TPTE: variants seen among roughly 807,000 people sequenced by gnomAD.
TPTE encodes putative tyrosine-protein phosphatase TPTE.
Under a neutral mutation model 84.1 loss-of-function variants are expected in TPTE, and 59 were observed. That is an observed-to-expected ratio of 0.70 (90% CI 0.57 to 0.87). The LOEUF is 0.87. Ranked by LOEUF, TPTE falls within the 40% of genes least tolerant of loss-of-function variation. The probability of loss-of-function intolerance (pLI) is 0.00; values close to 1 mark genes in which losing one functional copy is unlikely to be tolerated. For missense variants in TPTE, 382 were observed against 659.6 expected (o/e 0.58, Z 4.61); for synonymous variants, 130 against 223.5 (o/e 0.58, Z 3.73).
chr21:10,598,405 G>A (rs1314090073), intron 21 of TPTE, among the ~76,000 whole-genome samples: 2 of 152,312 alleles, frequency 1.3e-5, no homozygotes, highest in African/African-American at 4.8e-5. Flanking sequence ...ACATTATCTG[G>A]TCATTTTTAA....
At chr21:10,542,561 A>G (rs2074389568) in intron 6 of TPTE, 113 bp downstream of exon 6, 1 of 1,359,862 alleles carries the variant, frequency 7.4e-7, no homozygotes, top group Non-Finnish European at 1.0e-6. Flanking sequence ...CCATCCATCC[A>G]TTCATCCATC....
intron 22 of TPTE, chr21:10,602,754 C>T: frequency 1.9e-6 from 1 of 518,100 alleles, no homozygotes; most frequent in South Asian, 1.4e-5. Flanking sequence ...AGGAGGGCAG[C>T]ACACTTCGCA....
chr21:10,590,881 A>T lies in TPTE; in HGVS notation c.1089+358A>T, dbSNP rs1395304109. 2.8e-4 allele frequency among the ~76,000 whole-genome samples: 42 copies of T among 152,378 alleles called. No individual in the cohort carries two copies. In the South Asian group the frequency reaches 5.6e-3, roughly 20 times the overall value. ...TATCAACATGTTAAATAAAGACAAG[A>T]CCTGATGGGGCAGGATTAAGGTGAG... is the stretch of plus-strand genomic sequence containing the variant. On this transcript the variant is annotated intron_variant, in intron 18 of 23. Coordinates refer to ENST00000618007, the MANE Select transcript of TPTE (RefSeq NM_199261.4).
Position 10,587,870 on chromosome 21 carries a change from G to A in TPTE, c.1028-2592G>A, listed in dbSNP as rs1211938588. ...CAGCCTATTTTTTGTTTGTTTTTGA[G>A]ATGGAGTCTTGCTCTGTCACCCAGG... is the stretch of plus-strand genomic sequence containing the variant. On this transcript the variant is annotated intron_variant, in intron 17 of 23. Coordinates refer to ENST00000618007, the MANE Select transcript of TPTE (RefSeq NM_199261.4). Among the ~76,000 whole-genome samples, 20 of 152,370 alleles carry A rather than the reference G, an allele frequency of 1.3e-4. No individual in the cohort carries two copies. The South Asian group carries it at 4.0e-3, about 30-fold the overall frequency.
chr21:10,593,246 G>A (rs2075519828), intron 19 of TPTE, among the ~76,000 whole-genome samples: 1 of 152,310 alleles, frequency 6.6e-6, no homozygotes, highest in Admixed American at 6.5e-5. Context: ...ATTTTAGTAT[G>A]ACATTTAAGT....
intron 19 of TPTE, among the ~76,000 whole-genome samples, chr21:10,594,585 G>A (rs1159281567): frequency 5.9e-5 from 9 of 152,274 alleles, no homozygotes; most frequent in African/African-American, 2.2e-4. Context: ...ACAGCCCTTA[G>A]GGAAAGGTGG....
chr21:10,567,584 G>T (rs2074949923), intron 10 of TPTE, 86 bp from the exon 11 acceptor site: 2 of 1,568,516 alleles, frequency 1.3e-6, no homozygotes, highest in South Asian at 1.2e-5. Context: ...TCTTAATGGG[G>T]ATGAGTCAAT....
intron 9 of TPTE, 36 bp downstream of exon 9, chr21:10,559,580 T>C (rs776542758): frequency 1.2e-6 from 2 of 1,611,902 alleles, no homozygotes; most frequent in African/African-American, 2.7e-5. Context: ...GTATTAAATA[T>C]ATCTGAGACT....
intron 20 of TPTE, among the ~76,000 whole-genome samples, chr21:10,596,643 G>A (rs59831171): frequency 0.041 from 5,999 of 145,988 alleles, no homozygotes; most frequent in South Asian, 0.084. Context: ...GTGTGGAAGG[G>A]ATGGGGCCTC....
chr21:10,589,696 G>C (rs1467521556), intron 17 of TPTE, among the ~76,000 whole-genome samples: 1 of 152,312 alleles, frequency 6.6e-6, no homozygotes, highest in Non-Finnish European at 1.5e-5. Flanking sequence ...GGAAAGGTGA[G>C]ACAGAGGGAT....
chr21:10,529,910 G>T (rs957563313), intron 3 of TPTE, among the ~76,000 whole-genome samples: 1 of 152,196 alleles, frequency 6.6e-6, no homozygotes, highest in Non-Finnish European at 1.5e-5. Flanking sequence ...ATTACAAAAT[G>T]GTGATTTTTT....
chr21:10,527,818 C>T (rs1413584551), intron 3 of TPTE, among the ~76,000 whole-genome samples: 61 of 152,382 alleles, frequency 4.0e-4, no homozygotes, highest in Admixed American at 3.8e-3. Flanking sequence ...GATGGAGCCC[C>T]TGCCTCAGGT....
chr21:10,540,824 G>T (rs547230100), intron 4 of TPTE: 25 of 561,070 alleles, frequency 4.5e-5, no homozygotes, highest in South Asian at 3.5e-4. Context: ...AACTAAATTT[G>T]AACTAGAATT....
chr21:10,540,216 T>C (rs1354727321), intron 4 of TPTE, among the ~76,000 whole-genome samples: 1 of 152,308 alleles, frequency 6.6e-6, no homozygotes, highest in Non-Finnish European at 1.5e-5. Flanking sequence ...GGAATACAGT[T>C]ATACATGTGT....
intron 21 of TPTE, among the ~76,000 whole-genome samples, chr21:10,600,001 T>C (rs553703532): frequency 6.6e-6 from 1 of 152,300 alleles, no homozygotes; most frequent in Admixed American, 6.5e-5. Flanking sequence ...GGCTGGGACT[T>C]GCTATGTTGC....
chr21:10,594,110 C>G, intron 19 of TPTE, among the ~76,000 whole-genome samples: 2 of 152,308 alleles, frequency 1.3e-5, no homozygotes, highest in African/African-American at 4.8e-5. Flanking sequence ...AACGTTTCAA[C>G]CTGGCACTCA....
At chr21:10,590,177 A>G in intron 17 of TPTE, among the ~76,000 whole-genome samples, 1 of 152,310 alleles carries the variant, frequency 6.6e-6, no homozygotes, top group South Asian at 2.1e-4. Context: ...CATAAAATAC[A>G]TGAATTGTTG....
intron 23 of TPTE, among the ~76,000 whole-genome samples, 183 bp downstream of exon 23, chr21:10,603,815 T>G (rs1329039214): frequency 1.3e-5 from 2 of 152,308 alleles, no homozygotes; most frequent in East Asian, 3.8e-4. Context: ...CATTTGTTCT[T>G]GAGACCCACT....
intron 7 of TPTE, among the ~76,000 whole-genome samples, chr21:10,544,987 A>G (rs915292034): frequency 3.9e-5 from 6 of 152,310 alleles, no homozygotes; most frequent in East Asian, 1.9e-4. Flanking sequence ...ATTAAATACC[A>G]TGTTTCAAAT....
Sources: gnomAD v4.1 joint callset for allele counts (sites outside exome capture counted in the v4.1 genomes callset) on GRCh38, gnomAD v4.1.1 for gene constraint, MANE v1.5 for transcripts, NCBI Gene and HGNC (gene_info 2026-07-23, HGNC 2026-07-21) for gene names.